The following DACH1 variants were observed in gnomAD, a reference collection of about 807,000 sequenced individuals.
DACH1 encodes the protein dachshund homolog 1.
A neutral mutation model predicts 54.2 loss-of-function variants in DACH1; 12 were observed. That is an observed-to-expected ratio of 0.22 (90% confidence interval 0.14 to 0.36). The LOEUF is 0.36. Among genes scored for constraint, DACH1 ranks in the 10% least tolerant of loss-of-function variants. DACH1 has a pLI of 1.00. For missense variants in DACH1, 805 were observed against 929.8 expected (o/e 0.87, Z 1.75); for synonymous variants, 386 against 366.2 (o/e 1.05, Z -0.62).
chr13:71,489,326 A>G (rs1487663852), intron 6 of DACH1, among the ~76,000 whole-genome samples, 178 bp from the exon 7 acceptor site: 1 of 152,230 alleles, frequency 6.6e-6, no homozygotes, highest in African/African-American at 2.4e-5. Flanking sequence ...ATACAACAAG[A>G]TAACATTAAT....
At chr13:71,494,141 C>T (rs922374539) in intron 6 of DACH1, among the ~76,000 whole-genome samples, 3 of 152,072 alleles carry the variant, frequency 2.0e-5, no homozygotes, top group Admixed American at 1.3e-4. Context: ...TAGAGGACTA[C>T]ACATGGGTAG....
intron 10 of DACH1, chr13:71,464,459 T>G (rs577698364): frequency 3.2e-6 from 1 of 315,544 alleles, no homozygotes; most frequent in South Asian, 2.7e-5. Flanking sequence ...ACATACAAAC[T>G]TGTGCAATTT....
rs71126504 is a variant in DACH1 at position 71,757,522 on chromosome 13, CTT to C, written c.849-75614_849-75613del. 5.1e-3 allele frequency among the ~76,000 whole-genome samples: 658 copies of C among 128,872 alleles called. 1 individual carries two copies. Among genetic ancestry groups the C allele is most frequent in the African/African-American group, 0.017 (586 of 34,638 alleles). 84.5% of individuals were successfully genotyped at this position (128,872 alleles called of 152,430 possible). ...AAAGCCAAGAGAATTTTTAAAGGTA[CTT>C]TTTTTTTTTTTTTTTTTGAGACAGA... On this transcript the variant is annotated intron_variant, in intron 1 of 10. Transcript: ENST00000613252.
chr13:71,671,903 T>C (rs1358864370), intron 2 of DACH1, among the ~76,000 whole-genome samples: 2 of 152,136 alleles, frequency 1.3e-5, no homozygotes, highest in East Asian at 3.9e-4. Flanking sequence ...CAATTTATTC[T>C]ATCAGATTTC....
At chr13:71,807,512 T>A (rs1413480970) in intron 1 of DACH1, among the ~76,000 whole-genome samples, 1 of 150,528 alleles carries the variant, frequency 6.6e-6, no homozygotes, top group Non-Finnish European at 1.5e-5. Context: ...CTTTCCAAAC[T>A]CAGAGAGAAA....
In DACH1 at chr13:71,716,532, A is replaced by G. The variant is rs539645466; in HGVS notation, c.849-34622T>C. On this transcript the variant is annotated intron_variant, in intron 1 of 10. Coordinates refer to ENST00000613252, the MANE Select transcript of DACH1 (RefSeq NM_080759.6). ...GAAATGCCCATTCCTTCAGTTGTAC[A>G]TGTGAGAAGCCCTACACCAATTCTC... Among the ~76,000 whole-genome samples the G allele has an allele frequency of 3.9e-4, 60 of 152,204 alleles. No individual in the cohort carries two copies. The Middle Eastern group carries it at 0.014, about 35-fold the overall frequency.
At chr13:71,729,180 A>T (rs866089793) in intron 1 of DACH1, among the ~76,000 whole-genome samples, 50 of 152,098 alleles carry the variant, frequency 3.3e-4, no homozygotes, top group Admixed American at 7.2e-4. Context: ...AGATTAAGTG[A>T]ACTTGTTTCA....
At chr13:71,611,989 G>A (rs138330647) in intron 3 of DACH1, among the ~76,000 whole-genome samples, 43 of 152,156 alleles carry the variant, frequency 2.8e-4, no homozygotes, top group African/African-American at 8.9e-4. Context: ...AGGGACAATC[G>A]TATGAGGATG....
chr13:71,753,618 A>G (rs1266395218), intron 1 of DACH1, among the ~76,000 whole-genome samples: 1 of 152,204 alleles, frequency 6.6e-6, no homozygotes, highest in Admixed American at 6.5e-5. Flanking sequence ...CAGTAATAGT[A>G]TGAAGAAAAT....
chr13:71,447,435 T>C (rs1874564328), intron 10 of DACH1, among the ~76,000 whole-genome samples: 1 of 152,236 alleles, frequency 6.6e-6, no homozygotes, highest in East Asian at 1.9e-4. Flanking sequence ...TGCTAACATC[T>C]AATACATATA....
At chr13:71,555,812 T>C (rs934384332) in intron 6 of DACH1, among the ~76,000 whole-genome samples, 1 of 152,184 alleles carries the variant, frequency 6.6e-6, no homozygotes, top group Non-Finnish European at 1.5e-5. Context: ...GACCTAGTCG[T>C]GCACTGCATT....
intron 1 of DACH1, among the ~76,000 whole-genome samples, chr13:71,789,520 T>C (rs1246458279): frequency 6.6e-6 from 1 of 152,096 alleles, no homozygotes; most frequent in Non-Finnish European, 1.5e-5. Context: ...TCAAAAGTTT[T>C]AGATTTAAAA....
intron 1 of DACH1, among the ~76,000 whole-genome samples, chr13:71,805,974 A>ACTT (rs1328059470): frequency 6.6e-6 from 1 of 152,044 alleles, no homozygotes; most frequent in Non-Finnish European, 1.5e-5. Context: ...TGCCCGGCTA[A>ACTT]CTTTGTATTT....
chr13:71,866,449 G>C lies in DACH1; in HGVS notation c.321C>G (p.Asn107Lys). ...GGGGGSNCNP[N>K]LAAASNGSGG... The stretch of plus-strand genomic sequence containing the variant: ...CGCTGCCGTTGCTCGCGGCCGCCAG[G>C]TTGGGGTTGCAGTTGCTGCCACCGC... Residue 107 changes from asparagine (N) to lysine (K), a missense_variant, in exon 1 of 11, where the codon AAC becomes AAG. Around this residue, in one of 3 missense-constraint regions of DACH1, gnomAD observed 305 missense variants for 308.7 expected, o/e 0.99. Coordinates refer to ENST00000613252, the MANE Select transcript of DACH1 (RefSeq NM_080759.6). 1 of 1,387,516 alleles carries C rather than the reference G, an allele frequency of 7.2e-7. No individual in the cohort carries two copies. The highest frequency in any genetic ancestry group is 9.4e-7 in the Non-Finnish European group (1 of 1,065,130). 86.0% of individuals were successfully genotyped at this position (1,387,516 alleles called of 1,614,324 possible).
At chr13:71,618,039 T>C (rs1875916239) in intron 3 of DACH1, among the ~76,000 whole-genome samples, 1 of 152,184 alleles carries the variant, frequency 6.6e-6, no homozygotes, top group Non-Finnish European at 1.5e-5. Context: ...TAAGTGACTA[T>C]GATATTAATA....
chr13:71,470,452 C>T (rs550596439), intron 10 of DACH1, among the ~76,000 whole-genome samples: 3 of 151,954 alleles, frequency 2.0e-5, no homozygotes, highest in East Asian at 1.9e-4. Context: ...CTCAGCCTCC[C>T]GAGTAGCTGG....
At chr13:71,592,513 A>AAAAAAAAAAG (rs768010399) in intron 3 of DACH1, among the ~76,000 whole-genome samples, 47 of 145,686 alleles carry the variant, frequency 3.2e-4, no homozygotes, top group Non-Finnish European at 5.1e-4. Context: ...AAAAAAAAAA[A>AAAAAAAAAAG]AAAAGAAAAG....
intron 6 of DACH1, among the ~76,000 whole-genome samples, chr13:71,517,788 T>C (rs1430483645): frequency 1.3e-5 from 2 of 151,866 alleles, no homozygotes; most frequent in East Asian, 3.9e-4. Flanking sequence ...GTCTAACCTT[T>C]CTCAGGTCAA....
chr13:71,783,261 A>G (rs1886458208), intron 1 of DACH1, among the ~76,000 whole-genome samples: 1 of 152,220 alleles, frequency 6.6e-6, no homozygotes, highest in Non-Finnish European at 1.5e-5. Context: ...AGGCAACTCA[A>G]GATGAACAAA....
Sources: allele counts gnomAD v4.1 joint callset (sites outside exome capture counted in the v4.1 genomes callset), GRCh38; gene constraint gnomAD v4.1.1; regional missense constraint gnomAD v4.1.1; transcripts MANE v1.5; gene names NCBI Gene and HGNC (gene_info 2026-07-23, HGNC 2026-07-21).